Variants in ZDHHC14 observed in about 807,000 individuals in gnomAD.
The protein encoded by ZDHHC14 is zDHHC palmitoyltransferase 14.
ZDHHC14 carries 16 observed loss-of-function variants against 47.7 expected under a neutral mutation model. The ratio of observed to expected loss-of-function variants is 0.34; its 90% CI spans 0.23 to 0.51. The LOEUF (loss-of-function observed/expected upper bound fraction) is 0.51, where lower values mean the gene tolerates loss of function less well. ZDHHC14 is among the 20% of genes least tolerant of loss of function. The probability of loss-of-function intolerance (pLI) is 0.97; values close to 1 mark genes in which losing one functional copy is unlikely to be tolerated. For missense variants in ZDHHC14, 515 were observed against 662.5 expected, an observed-to-expected ratio of 0.78 and a Z score of 2.44; for synonymous variants, 293 against 278.9, an observed-to-expected ratio of 1.05 and a Z score of -0.50.
intron 1 of ZDHHC14, among the ~76,000 whole-genome samples, chr6:157,435,886 A>G (rs933577144): frequency 1.3e-5 from 2 of 152,188 alleles, no homozygotes; most frequent in African/African-American, 4.8e-5. Context: ...GCAGCGTGGC[A>G]GAAAGCCTGG....
chr6:157,546,454 C>T (rs930269928), intron 2 of ZDHHC14, among the ~76,000 whole-genome samples: 12 of 152,138 alleles, frequency 7.9e-5, no homozygotes, highest in African/African-American at 1.2e-4. Context: ...AACAGCTTTC[C>T]CCTGTCTTCA....
rs567168298 is a variant in ZDHHC14 at position 157,582,259 on chromosome 6, G to A, written c.407-10729G>A. ...ATTCAAAGTTAGTATTGATATGTGC[G>A]GATTTGATCTTGTCATCACATTGTT... On this transcript the variant is annotated intron_variant, in intron 2 of 8. Coordinates refer to ENST00000359775, the MANE Select transcript of ZDHHC14 (RefSeq NM_024630.3). This position sits in a 1 kb window ranked among gnomAD's most constrained non-coding sequence, Gnocchi z 4.3. 2.0e-5 allele frequency among the ~76,000 whole-genome samples: 3 copies of A among 152,286 alleles called. No individual in the cohort carries two copies. Among genetic ancestry groups the A allele is most frequent in the South Asian group, 2.1e-4 (1 of 4,820 alleles).
At chr6:157,550,926 C>T (rs768819332) in intron 2 of ZDHHC14, among the ~76,000 whole-genome samples, 29 of 152,114 alleles carry the variant, frequency 1.9e-4, no homozygotes, top group Non-Finnish European at 3.4e-4. Context: ...TTCTTATATA[C>T]AGGGCCATGG....
chr6:157,532,015 C>G (rs1013844150), intron 1 of ZDHHC14, among the ~76,000 whole-genome samples: 1 of 152,258 alleles, frequency 6.6e-6, no homozygotes, highest in Non-Finnish European at 1.5e-5. Context: ...GCCTGCCCAC[C>G]CTGGGTGAGC....
chr6:157,674,395 A>G lies in ZDHHC14; in HGVS notation c.*1273A>G, dbSNP rs1260179918. On this transcript the variant is annotated 3_prime_UTR_variant, in exon 9 of 9. Coordinates refer to ENST00000359775, the MANE Select transcript of ZDHHC14 (RefSeq NM_024630.3). ...ATGTAGGTCATCATCCTTCCTAGAC[A>G]CTGATCAGAATGAAATTAAGAAAAT... The G allele has an allele frequency of 6.6e-6, 1 of 152,140 alleles. No individual in the cohort carries two copies. Among genetic ancestry groups the G allele is most frequent in the African/African-American group, 2.4e-5 (1 of 41,430 alleles). 9.4% of individuals were successfully genotyped at this position (152,140 alleles called of 1,614,324 possible). A position where few individuals can be genotyped will look rare whatever the true frequency, so the allele number is the denominator to read the frequency against.
chr6:157,522,996 CTTTTCTTTTCTTTTTCTTTT>C (rs1781013384), intron 1 of ZDHHC14, among the ~76,000 whole-genome samples: 1 of 105,882 alleles, frequency 9.4e-6, no homozygotes, highest in Non-Finnish European at 2.0e-5. Flanking sequence ...CTTTTCTTTT[CTTTTCTTTTCTTTTTCTTTT>C]CTTTCCCTTA....
intron 1 of ZDHHC14, among the ~76,000 whole-genome samples, chr6:157,538,234 T>C (rs1781611625): frequency 6.6e-6 from 1 of 152,170 alleles, no homozygotes. Flanking sequence ...TGGAGGGTCT[T>C]AGAGGTTCCA....
At chr6:157,666,462 A>C (rs1303458070) in intron 8 of ZDHHC14, among the ~76,000 whole-genome samples, 13 of 152,218 alleles carry the variant, frequency 8.5e-5, no homozygotes, top group Admixed American at 8.5e-4. Context: ...TAAATAAAAG[A>C]ATACAAAAAA....
rs572883288 is a variant in ZDHHC14, at chr6:157,391,970, G to A, written c.245+9704G>A. ...TTGTGTAAATATGCCCAGTTTATTC[G>A]TCTCTTTTTAATCTTTCTTTCTTTG... On this transcript the variant is annotated intron_variant, in intron 1 of 8. Transcript: ENST00000359775. 7.2e-5 allele frequency among the ~76,000 whole-genome samples: 11 copies of A among 152,140 alleles called. No homozygotes were observed. In the East Asian group the frequency reaches 1.2e-3, roughly 16 times the overall value.
intron 4 of ZDHHC14, 57 bp from the exon 5 acceptor site, chr6:157,632,777 C>T (rs889464663): frequency 3.4e-6 from 5 of 1,486,544 alleles, no homozygotes; most frequent in Non-Finnish European, 3.8e-6. Context: ...GATGAGAGAG[C>T]ATTCAGCATG....
At chr6:157,671,733 G>A (rs1183167569) in intron 8 of ZDHHC14, among the ~76,000 whole-genome samples, 1 of 152,216 alleles carries the variant, frequency 6.6e-6, no homozygotes, top group Non-Finnish European at 1.5e-5. Context: ...CTTCTCAAAC[G>A]TGGGCATTCT....
chr6:157,584,251 A>G (rs1052478088), intron 2 of ZDHHC14, among the ~76,000 whole-genome samples: 3 of 152,060 alleles, frequency 2.0e-5, no homozygotes, highest in African/African-American at 7.2e-5. Flanking sequence ...TACTTGTTGA[A>G]GAGTGGGGCA....
chr6:157,675,121 C>G lies in ZDHHC14; in HGVS notation c.*1999C>G, dbSNP rs1272338576. 1 of 152,320 alleles carries G rather than the reference C, an allele frequency of 6.6e-6. No individual in the cohort carries two copies. The highest frequency in any genetic ancestry group is 1.5e-5 in the Non-Finnish European group (1 of 68,118). 9.4% of individuals were successfully genotyped at this position (152,320 alleles called of 1,614,324 possible). On this transcript the variant is annotated 3_prime_UTR_variant, in exon 9 of 9. Transcript: ENST00000359775. ...TCTTCCACCTGCTCCCCAGAGGCCC[C>G]AGGAAGGAGTTGGCCCTGATGAGAA...
chr6:157,530,070 T>C lies in ZDHHC14; in HGVS notation c.246-12515T>C, dbSNP rs186023262. On this transcript the variant is annotated intron_variant, in intron 1 of 8. Transcript: ENST00000359775. ...AACTGCCTGCAATATAGGTACTCAA[T>C]CAAAAAAATGTGAATTTTCATTTGC... Among the ~76,000 whole-genome samples the C allele has an allele frequency of 1.6e-3, 240 of 152,280 alleles. 3 individuals are homozygous for C. The highest frequency in any genetic ancestry group is 5.5e-3 in the African/African-American group (229 of 41,550).
intron 1 of ZDHHC14, among the ~76,000 whole-genome samples, chr6:157,449,539 A>G (rs1293077618): frequency 6.6e-6 from 1 of 152,162 alleles, no homozygotes; most frequent in Non-Finnish European, 1.5e-5. Context: ...TTTGAAGTCA[A>G]TCCTTTCCCC....
At chr6:157,480,983 A>G (rs1779615420) in intron 1 of ZDHHC14, among the ~76,000 whole-genome samples, 1 of 152,234 alleles carries the variant, frequency 6.6e-6, no homozygotes, top group South Asian at 2.1e-4. Flanking sequence ...TACAAGAGCT[A>G]GAGAATCACC....
intron 1 of ZDHHC14, among the ~76,000 whole-genome samples, chr6:157,459,293 C>T (rs945954333): frequency 7.9e-5 from 12 of 152,118 alleles, no homozygotes. Context: ...GACAGAGCTC[C>T]AAGTGACCAT....
chr6:157,526,577 C>T (rs1781161125), intron 1 of ZDHHC14, among the ~76,000 whole-genome samples: 1 of 152,194 alleles, frequency 6.6e-6, no homozygotes, highest in African/African-American at 2.4e-5. Flanking sequence ...CTTCTTTTCA[C>T]TCTCTCATTT....
intron 3 of ZDHHC14, among the ~76,000 whole-genome samples, chr6:157,600,283 G>A (rs1784290807): frequency 6.6e-6 from 1 of 152,118 alleles, no homozygotes; most frequent in African/African-American, 2.4e-5. Flanking sequence ...TAAAGAATTA[G>A]TCATGACATG....
Sources: allele counts gnomAD v4.1 joint callset (sites outside exome capture counted in the v4.1 genomes callset), GRCh38; gene constraint gnomAD v4.1.1; non-coding constraint Gnocchi (gnomAD v3.1); transcripts MANE v1.5; gene names NCBI Gene and HGNC (gene_info 2026-07-23, HGNC 2026-07-21).